Variants in SOAT1 observed in about 807,000 individuals in gnomAD.
SOAT1 encodes acyl-coenzyme A:cholesterol acyltransferase 1.
A neutral mutation model predicts 69.5 loss-of-function variants in SOAT1; 55 were observed. The observed-to-expected ratio is 0.79, with a 90% CI of 0.64 to 0.99. The LOEUF (loss-of-function observed/expected upper bound fraction) is 0.99. Among genes scored for constraint, SOAT1 ranks in the 50% least tolerant of loss-of-function variants. SOAT1 has a pLI of 0.00. For synonymous variants in SOAT1, 231 were observed against 224.7 expected (o/e 1.03, Z -0.25); for missense variants, 580 against 669.3 (o/e 0.87, Z 1.47).
chr1:179,335,625 T>A lies in SOAT1; in HGVS notation c.297T>A (p.Val99=), dbSNP rs372249994. The A allele has an allele frequency of 5.8e-5, 93 of 1,613,128 alleles. No homozygotes were observed. The highest frequency in any genetic ancestry group is 7.5e-5 in the Non-Finnish European group (89 of 1,179,656). The change falls in exon 4 of 16, where the codon GTT becomes GTA. Residue 99 remains valine, a synonymous_variant. Transcript: ENST00000367619. ...GGTGCGCTCTCACAACCTTTTCTGT[T>A]CTTGAAGGAGAGAAAAACAACCATA... ...NGGCALTTFS[V]LEGEKNNHRA...
Position 179,351,356 on chromosome 1 carries a change from C to G in SOAT1, c.1490C>G (p.Pro497Arg), listed in dbSNP as rs747795183. Residue 497 changes from proline (P) to arginine (R), a missense_variant, in exon 15 of 16, where the codon CCG (proline) becomes CGG (arginine). Coordinates refer to ENST00000367619, the MANE Select transcript of SOAT1 (RefSeq NM_003101.6). ...NFIVNDSRKK[P>R]IWNVLMWTSL... ...ATTGTCAATGATAGTCGGAAAAAGC[C>G]GATTTGGAATGTTCTGATGTGGACT... 5.0e-6 allele frequency: 8 copies of G among 1,613,816 alleles called. No homozygotes were observed. In the Admixed American group the frequency reaches 1.3e-4, roughly 27 times the overall value.
chr1:179,298,972 A>C (rs1358028717), intron 1 of SOAT1, among the ~76,000 whole-genome samples: 1 of 152,134 alleles, frequency 6.6e-6, no homozygotes. Flanking sequence ...TGCCTGTTGT[A>C]CTCCAGGTAC....
intron 3 of SOAT1, among the ~76,000 whole-genome samples, chr1:179,325,316 A>AT (rs1003963587): frequency 1.0e-4 from 15 of 146,706 alleles, no homozygotes; most frequent in African/African-American, 2.0e-4. Flanking sequence ...TGCCCGGCTA[A>AT]TTTTTTTTGT....
chr1:179,318,748 T>A (rs546256218), intron 2 of SOAT1, among the ~76,000 whole-genome samples: 1 of 152,334 alleles, frequency 6.6e-6, no homozygotes, highest in Non-Finnish European at 1.5e-5. Context: ...TCTTTTCACT[T>A]GGCAAAATGT....
At chr1:179,344,909 G>A in intron 10 of SOAT1, 38 bp from the exon 11 acceptor site, 2 of 1,610,692 alleles carry the variant, frequency 1.2e-6, no homozygotes, top group Non-Finnish European at 1.7e-6. Context: ...ATCTTATTAA[G>A]CCATCGTTAT....
At chr1:179,321,717 A>G (rs539487340) in intron 2 of SOAT1, among the ~76,000 whole-genome samples, 3 of 152,208 alleles carry the variant, frequency 2.0e-5, no homozygotes, top group African/African-American at 4.8e-5. Flanking sequence ...CCTTTGATCT[A>G]TATTCCCATT....
intron 1 of SOAT1, among the ~76,000 whole-genome samples, chr1:179,298,154 G>C (rs1664716292): frequency 6.6e-6 from 1 of 151,226 alleles, no homozygotes; most frequent in South Asian, 2.1e-4. Context: ...GTGTGATTGA[G>C]GTTCACTGCA....
intron 14 of SOAT1, among the ~76,000 whole-genome samples, chr1:179,350,889 C>A (rs1401390992): frequency 6.6e-6 from 1 of 152,032 alleles, no homozygotes; most frequent in East Asian, 1.9e-4. Flanking sequence ...CTTTATTTTT[C>A]TTTATAGAAA....
chr1:179,311,572 CTG>C lies in SOAT1; in HGVS notation c.118+8772_118+8773del, dbSNP rs1665222492. Among the ~76,000 whole-genome samples, 7 of 137,430 alleles carry C rather than the reference CTG, an allele frequency of 5.1e-5. No homozygotes were observed. In the South Asian group the frequency reaches 1.8e-3, roughly 35 times the overall value. The allele number at this position is 137,430 out of a possible 152,430, so 90.2% of individuals were successfully genotyped here. On this transcript the variant is annotated intron_variant, in intron 2 of 15. Coordinates refer to ENST00000367619, the MANE Select transcript of SOAT1 (RefSeq NM_003101.6). ...GAGGGTTAAGTGATCTTCAAAAGGACTGTTTTTAAAAAAAAAATCGTTTCTAA... is the reference window on the plus strand; with the variant it reads ...GAGGGTTAAGTGATCTTCAAAAGGACTTTTTAAAAAAAAAATCGTTTCTAA...
chr1:179,343,252 G>A (rs1195120654), intron 9 of SOAT1, among the ~76,000 whole-genome samples: 1 of 149,778 alleles, frequency 6.7e-6, no homozygotes, highest in East Asian at 2.0e-4. Context: ...TTCTGAGATG[G>A]GAGTCTTGCT....
chr1:179,304,086 T>C (rs901566414), intron 2 of SOAT1, among the ~76,000 whole-genome samples: 16 of 152,246 alleles, frequency 1.1e-4, no homozygotes, highest in African/African-American at 3.9e-4. Flanking sequence ...AAAATTGAAT[T>C]GGTTAGCTTA....
intron 14 of SOAT1, 141 bp from the exon 15 acceptor site, chr1:179,351,176 T>C: frequency 1.5e-6 from 1 of 649,088 alleles, no homozygotes. Context: ...CCCGAGTGGC[T>C]GGGATTACAG....
intron 1 of SOAT1, among the ~76,000 whole-genome samples, chr1:179,297,363 G>C (rs1664684364): frequency 6.6e-6 from 1 of 151,998 alleles, no homozygotes; most frequent in African/African-American, 2.4e-5. Context: ...TTGAGACGGA[G>C]TCCAGCTCTG....
chr1:179,349,781 C>T (rs1056697929), intron 13 of SOAT1, among the ~76,000 whole-genome samples: 3 of 152,092 alleles, frequency 2.0e-5, no homozygotes, highest in Non-Finnish European at 4.4e-5. Context: ...ATCTAGATTA[C>T]AGTTTTTATT....
chr1:179,344,871 T>C (rs554371345), intron 10 of SOAT1, 76 bp from the exon 11 acceptor site: 9 of 1,428,780 alleles, frequency 6.3e-6, no homozygotes, highest in East Asian at 2.3e-5. Context: ...ATCTGTACTT[T>C]CTTTTGGAGA....
chr1:179,300,779 A>G (rs765060932), intron 1 of SOAT1, among the ~76,000 whole-genome samples: 13 of 152,206 alleles, frequency 8.5e-5, no homozygotes, highest in Admixed American at 5.2e-4. Flanking sequence ...ACATAGTGAA[A>G]CACTGCTTTA....
At chr1:179,351,006 C>T (rs915923800) in intron 14 of SOAT1, among the ~76,000 whole-genome samples, 4 of 144,568 alleles carry the variant, frequency 2.8e-5, no homozygotes, top group African/African-American at 1.0e-4. Context: ...TGTTTTGATA[C>T]CTGTATATTT....
At chr1:179,335,316 T>C (rs1261783491) in intron 3 of SOAT1, among the ~76,000 whole-genome samples, 190 bp from the exon 4 acceptor site, 2 of 152,178 alleles carry the variant, frequency 1.3e-5, no homozygotes, top group African/African-American at 4.8e-5. Flanking sequence ...TAAATCACTA[T>C]GTTGCCTTTT....
chr1:179,326,873 C>T (rs6699698), intron 3 of SOAT1, among the ~76,000 whole-genome samples: 75,455 of 151,938 alleles, frequency 0.5, 19,706 homozygotes, highest in East Asian at 0.85. Flanking sequence ...TGCAATGTTT[C>T]TGAACAAGAT....
Sources: gnomAD v4.1 joint callset for allele counts (sites outside exome capture counted in the v4.1 genomes callset) on GRCh38, gnomAD v4.1.1 for gene constraint, MANE v1.5 for transcripts, NCBI Gene and HGNC (gene_info 2026-07-23, HGNC 2026-07-21) for gene names.